DPRX: variants seen among roughly 807,000 people sequenced by gnomAD.
DPRX encodes the protein divergent paired-related homeobox.
In DPRX, 11 loss-of-function variants were observed where a neutral mutation model predicts 8.4. That is an observed-to-expected ratio of 1.31 (90% CI 0.82 to 2.17). The LOEUF (loss-of-function observed/expected upper bound fraction) is 2.17, where lower values mean the gene tolerates loss of function less well. Ranked by LOEUF, DPRX falls within the 30% of genes most tolerant of loss-of-function variation. DPRX has a pLI of 0.00. For synonymous variants in DPRX, 72 were observed against 87.0 expected, an observed-to-expected ratio of 0.83 and a Z score of 0.96; for missense variants, 211 against 236.7, an observed-to-expected ratio of 0.89 and a Z score of 0.71.
At chr19:53,611,878 G>A in the DPRX span, among the ~76,000 whole-genome samples, 6,159 of 152,126 alleles carry the variant, frequency 0.04, 215 homozygotes, top group East Asian at 0.16. Context: ...GAGGTCAGGA[G>A]TTTGAGACCA....
At chr19:53,624,972 C>T in the DPRX span, among the ~76,000 whole-genome samples, 6 of 151,626 alleles carry the variant, frequency 4.0e-5, no homozygotes, top group East Asian at 3.9e-4. Flanking sequence ...CTGCCCTCTC[C>T]GGGGGAAAGG....
In DPRX at chr19:53,632,445, C is replaced by T. The variant is rs577470207; in HGVS notation, c.28+311C>T. On this transcript the variant is annotated intron_variant, in intron 1 of 2. Coordinates refer to ENST00000376650, the Ensembl canonical transcript of DPRX. ...CCTCCCGAGTAGCTGGGATGACAGG[C>T]ACACGCCACCACACCTGGCTAATTT... is the stretch of plus-strand genomic sequence containing the variant. 8.6e-3 allele frequency among the ~76,000 whole-genome samples: 1,285 copies of T among 148,952 alleles called. 14 individuals carry two copies. The highest frequency in any genetic ancestry group is 0.03 in the African/African-American group (1,229 of 40,440).
exon 3 of DPRX, chr19:53,636,611 C>T: frequency 4.3e-6 from 7 of 1,610,914 alleles, no homozygotes; most frequent in South Asian, 3.3e-5. Context: ...GTTCAAGAAT[C>T]ACAGAGCAAA....
chr19:53,626,988 C>T, the DPRX span, among the ~76,000 whole-genome samples: 1 of 152,126 alleles, frequency 6.6e-6, no homozygotes, highest in Non-Finnish European at 1.5e-5. Context: ...CTGCTCGTGG[C>T]CCCTCTGTTG....
chr19:53,614,420 G>A, the DPRX span, among the ~76,000 whole-genome samples: 2 of 152,016 alleles, frequency 1.3e-5, no homozygotes, highest in Admixed American at 6.6e-5. Flanking sequence ...CTTAATAGGC[G>A]GACCACGGTG....
the DPRX span, among the ~76,000 whole-genome samples, chr19:53,601,567 C>T: frequency 2.7e-4 from 41 of 150,554 alleles, no homozygotes; most frequent in Middle Eastern, 3.4e-3. Context: ...ATGCAACATC[C>T]GCCTCCTGGG....
At chr19:53,633,821 T>C (rs1244095819) in intron 1 of DPRX, among the ~76,000 whole-genome samples, 1 of 150,854 alleles carries the variant, frequency 6.6e-6, no homozygotes, top group Admixed American at 6.6e-5. Flanking sequence ...TTTTTGTGTT[T>C]TTAATAGAGA....
the DPRX span, among the ~76,000 whole-genome samples, chr19:53,618,928 C>T: frequency 3.5e-3 from 538 of 152,114 alleles, 7 homozygotes; most frequent in African/African-American, 0.012. Context: ...GTGATCCACC[C>T]GCCTCGGCCT....
the DPRX span, among the ~76,000 whole-genome samples, chr19:53,625,626 G>C: frequency 6.6e-6 from 1 of 151,440 alleles, no homozygotes; most frequent in Non-Finnish European, 1.5e-5. Flanking sequence ...TCATGCCTCT[G>C]CCTCTTCTCA....
the DPRX span, chr19:53,601,904 C>T: frequency 2.5e-6 from 1 of 395,220 alleles, no homozygotes; most frequent in Non-Finnish European, 5.0e-6. Context: ...CGCAACTGCC[C>T]TTTTTACCCC....
rs1309477284 is a variant in DPRX at position 53,634,528 on chromosome 19, A to G, written c.29-3A>G. 1.2e-6 allele frequency: 2 copies of G among 1,602,712 alleles called. No individual in the cohort carries two copies. Among genetic ancestry groups the G allele is most frequent in the African/African-American group, 1.3e-5 (1 of 74,184 alleles). On this transcript the variant is annotated splice_region_variant and splice_polypyrimidine_tract_variant and intron_variant, in intron 1 of 2. Coordinates refer to ENST00000376650, the Ensembl canonical transcript of DPRX. Reference sequence around the variant, plus strand: ...ATTTGTGTCTTTTTCCTCCTCTTTCAAGGCAAGGACCAGATGCATTCACAC... The same window carrying G: ...ATTTGTGTCTTTTTCCTCCTCTTTCGAGGCAAGGACCAGATGCATTCACAC...
upstream of DPRX, among the ~76,000 whole-genome samples, chr19:53,627,635 C>T (rs1265646136): frequency 2.7e-5 from 4 of 150,904 alleles, no homozygotes; most frequent in Admixed American, 6.6e-5. Flanking sequence ...GACGGGCTGT[C>T]GCCACGTTGG....
At chr19:53,609,977 T>G in the DPRX span, among the ~76,000 whole-genome samples, 3 of 147,724 alleles carry the variant, frequency 2.0e-5, no homozygotes, top group African/African-American at 7.6e-5. Context: ...AGAGCAAGAC[T>G]CCATCTCAAA....
chr19:53,619,430 T>A, the DPRX span, among the ~76,000 whole-genome samples: 1 of 152,050 alleles, frequency 6.6e-6, no homozygotes, highest in Non-Finnish European at 1.5e-5. Context: ...ATCCTAGCAC[T>A]TTGTGAGGCC....
the DPRX span, among the ~76,000 whole-genome samples, chr19:53,617,904 C>T: frequency 6.6e-5 from 10 of 151,900 alleles, no homozygotes; most frequent in Non-Finnish European, 1.0e-4. Flanking sequence ...CTTTGGGAGG[C>T]CAAGGTGGGC....
chr19:53,623,651 A>C, the DPRX span, among the ~76,000 whole-genome samples: 5 of 151,144 alleles, frequency 3.3e-5, no homozygotes, highest in African/African-American at 4.9e-5. Context: ...AAAAAACAAA[A>C]AGCCATTCCT....
At chr19:53,607,752 G>A in the DPRX span, among the ~76,000 whole-genome samples, 1 of 151,434 alleles carries the variant, frequency 6.6e-6, no homozygotes, top group Non-Finnish European at 1.5e-5. Context: ...CCAGGTGGCT[G>A]AAGCAGGAGA....
the DPRX span, among the ~76,000 whole-genome samples, chr19:53,619,630 G>T: frequency 6.7e-6 from 1 of 150,064 alleles, no homozygotes; most frequent in Non-Finnish European, 1.5e-5. Flanking sequence ...AGCCGAGATC[G>T]TGCCATTGCA....
At chr19:53,617,832 G>GT in the DPRX span, among the ~76,000 whole-genome samples, 3 of 151,918 alleles carry the variant, frequency 2.0e-5, no homozygotes, top group African/African-American at 7.3e-5. Flanking sequence ...TTTCTTCTTA[G>GT]TTTTTTATTT....
Sources: gnomAD v4.1 joint callset for allele counts (sites outside exome capture counted in the v4.1 genomes callset) on GRCh38, gnomAD v4.1.1 for gene constraint, MANE v1.5 for transcripts, NCBI Gene and HGNC (gene_info 2026-07-23, HGNC 2026-07-21) for gene names.